The following BPTF variants were observed in gnomAD, a reference collection of about 807,000 sequenced individuals.
BPTF encodes bromodomain PHD finger transcription factor.
A neutral mutation model predicts 292.5 loss-of-function variants in BPTF; 18 were observed. That is an observed-to-expected ratio of 0.06 (90% CI 0.04 to 0.09). The LOEUF (loss-of-function observed/expected upper bound fraction) is 0.09. Ranked by LOEUF, BPTF falls within the 10% of genes least tolerant of loss-of-function variation. The pLI, the probability that BPTF is intolerant of heterozygous loss-of-function variation, is 1.00. For synonymous variants in BPTF, 1,225 were observed against 1,251.9 expected (o/e 0.98, Z 0.45); for missense variants, 2,726 against 3,498.7 (o/e 0.78, Z 5.57).
rs1270216619 is a variant in BPTF at position 67,875,500 on chromosome 17, G to T, written c.1864+480G>T. The T allele has an allele frequency of 1.1e-5, 15 of 1,363,878 alleles. No individual in the cohort carries two copies. Among genetic ancestry groups the T allele is most frequent in the East Asian group, 2.6e-5 (1 of 38,348 alleles). The allele number at this position is 1,363,878 out of a possible 1,614,324, so 84.5% of individuals were successfully genotyped here. A position where few individuals can be genotyped will look rare whatever the true frequency, so the allele number is the denominator to read the frequency against. ...AGTAGTTGACTGAATGTGGCCATTT[G>T]CCCTGAAGCAATTTTAAAGAATATC... On this transcript the variant is annotated intron_variant, in intron 4 of 27. Transcript: ENST00000306378.
intron 18 of BPTF, among the ~76,000 whole-genome samples, chr17:67,932,583 C>G (rs1407385952): frequency 6.6e-6 from 1 of 152,186 alleles, no homozygotes; most frequent in African/African-American, 2.4e-5. Context: ...CACCTGTAAT[C>G]CCAGCTACTT....
intron 23 of BPTF, chr17:67,957,037 C>G (rs2067018607): frequency 6.6e-6 from 1 of 152,082 alleles, no homozygotes; most frequent in African/African-American, 2.4e-5. Context: ...AATCCTAGCA[C>G]TTTGGGAGGC....
chr17:67,945,077 C>A (rs1025358535), intron 20 of BPTF, among the ~76,000 whole-genome samples: 9 of 152,130 alleles, frequency 5.9e-5, no homozygotes, highest in African/African-American at 2.2e-4. Context: ...GCTCTGTCGC[C>A]CAGGCTGAAG....
At chr17:67,940,780 C>G (rs1350515238) in intron 19 of BPTF, 124 bp downstream of exon 19, 1 of 1,110,102 alleles carries the variant, frequency 9.0e-7, no homozygotes, top group Non-Finnish European at 1.3e-6. Flanking sequence ...TGGTTGCTTC[C>G]TGGAGTCAAG....
Position 67,875,279 on chromosome 17 carries a change from C to T in BPTF, c.1864+259C>T, listed in dbSNP as rs553015982. ...GTTGCCATTTCCCTATGAAAAAGAA[C>T]TATTCTTTAATATTATACCAGAGTA... On this transcript the variant is annotated intron_variant, in intron 4 of 27. Transcript: ENST00000306378. Among the ~76,000 whole-genome samples the T allele has an allele frequency of 1.1e-4, 17 of 152,196 alleles. No individual in the cohort carries two copies. The South Asian group carries it at 3.5e-3, about 32-fold the overall frequency.
At chr17:67,850,497 T>C (rs974639992) in intron 1 of BPTF, among the ~76,000 whole-genome samples, 2 of 152,164 alleles carry the variant, frequency 1.3e-5, no homozygotes, top group African/African-American at 4.8e-5. Flanking sequence ...GCCTCCCAAG[T>C]AGCTGGGAGT....
chr17:67,960,152 A>G (rs1398630136), intron 24 of BPTF: 1 of 308,622 alleles, frequency 3.2e-6, no homozygotes, highest in Non-Finnish European at 6.0e-6. Context: ...CCTCTGAATT[A>G]ACTCCAAATC....
chr17:67,846,316 C>T (rs1480423752), intron 1 of BPTF, among the ~76,000 whole-genome samples: 1 of 152,142 alleles, frequency 6.6e-6, no homozygotes, highest in Admixed American at 6.5e-5. Context: ...ATAGAGGATA[C>T]TGAATGTATT....
chr17:67,870,471 A>G (rs2059655214), intron 3 of BPTF, among the ~76,000 whole-genome samples: 1 of 152,078 alleles, frequency 6.6e-6, no homozygotes, highest in African/African-American at 2.4e-5. Flanking sequence ...TGAGCATTCA[A>G]ATAGAAGAAT....
intron 26 of BPTF, among the ~76,000 whole-genome samples, chr17:67,966,974 C>T (rs2068174621): frequency 6.6e-6 from 1 of 151,286 alleles, no homozygotes; most frequent in South Asian, 2.1e-4. Flanking sequence ...GTGGTGCATG[C>T]CTGTATTCCC....
At chr17:67,827,609 T>G (rs1313950334) in intron 1 of BPTF, among the ~76,000 whole-genome samples, 2 of 152,318 alleles carry the variant, frequency 1.3e-5, no homozygotes, top group African/African-American at 2.4e-5. Flanking sequence ...AAAGACCTTT[T>G]TTTTCGTTGA....
At position 67,964,317 on chromosome 17, in the gene BPTF, C is replaced by T; in HGVS notation, c.8367C>T (p.Cys2789=). Residue 2789 remains cysteine, a synonymous_variant, in exon 25 of 28, where the codon TGC becomes TGT. Coordinates refer to ENST00000306378, the MANE Select transcript of BPTF (RefSeq NM_182641.4). ...ELIDEYVCPQ[C]QSTEDAMTVL... ...TTGATGAGTATGTCTGTCCACAGTG[C>T]CAGTCAACAGAGGATGCCATGACAG... 3 of 1,614,104 alleles carry T rather than the reference C, an allele frequency of 1.9e-6. No individual in the cohort carries two copies. The highest frequency in any genetic ancestry group is 2.5e-6 in the Non-Finnish European group (3 of 1,179,984).
intron 2 of BPTF, among the ~76,000 whole-genome samples, chr17:67,863,598 CTA>C (rs1364399662): frequency 2.6e-5 from 4 of 152,138 alleles, no homozygotes; most frequent in Non-Finnish European, 4.4e-5. Context: ...ACCTTCTTTT[CTA>C]TGTGTCACCT....
At chr17:67,838,643 G>GT (rs1169986763) in intron 1 of BPTF, among the ~76,000 whole-genome samples, 3 of 152,056 alleles carry the variant, frequency 2.0e-5, no homozygotes, top group Non-Finnish European at 2.9e-5. Context: ...TGCCTGGCTA[G>GT]TTTTTTATAT....
intron 10 of BPTF, 23 bp from the exon 11 acceptor site, chr17:67,910,854 A>T (rs762571449): frequency 4.8e-5 from 72 of 1,508,374 alleles, no homozygotes; most frequent in Non-Finnish European, 8.0e-6. Context: ...AATTACATTT[A>T]TATAAATGTC....
intron 4 of BPTF, among the ~76,000 whole-genome samples, chr17:67,891,028 A>G (rs1262409424): frequency 6.6e-6 from 1 of 152,174 alleles, no homozygotes; most frequent in Admixed American, 6.6e-5. Context: ...CAGAAAATAC[A>G]AAAAATTAGT....
chr17:67,865,998 TA>T (rs34739687), intron 2 of BPTF, among the ~76,000 whole-genome samples: 51,840 of 152,032 alleles, frequency 0.34, 11,169 homozygotes, highest in East Asian at 0.67. Flanking sequence ...CACATGTCTG[TA>T]AGTCCTAACT....
intron 18 of BPTF, 135 bp downstream of exon 18, chr17:67,932,154 A>C: frequency 1.4e-6 from 1 of 715,000 alleles, no homozygotes; most frequent in South Asian, 1.9e-5. Context: ...TTTCTAATCC[A>C]TTGTGAGCTC....
chr17:67,871,527 C>CA (rs553786792), intron 3 of BPTF, among the ~76,000 whole-genome samples: 16 of 150,848 alleles, frequency 1.1e-4, no homozygotes, highest in Middle Eastern at 3.4e-3. Context: ...ACTAAATATA[C>CA]AGCTTACTAT....
Sources: allele counts gnomAD v4.1 joint callset (sites outside exome capture counted in the v4.1 genomes callset), GRCh38; gene constraint gnomAD v4.1.1; transcripts MANE v1.5; gene names NCBI Gene and HGNC (gene_info 2026-07-23, HGNC 2026-07-21).